NUCB2: variants seen among roughly 807,000 people sequenced by gnomAD.
NUCB2 encodes the protein nucleobindin 2.
Under a neutral mutation model 57.9 loss-of-function variants are expected in NUCB2, and 48 were observed. The observed-to-expected ratio is 0.83, with a 90% confidence interval of 0.66 to 1.05. The LOEUF (loss-of-function observed/expected upper bound fraction) is 1.05. Among genes scored for constraint, NUCB2 ranks in the 50% least tolerant of loss-of-function variants. The pLI is 0.00. For synonymous variants in NUCB2, 139 were observed against 152.1 expected, an observed-to-expected ratio of 0.91 and a Z score of 0.64; for missense variants, 442 against 476.2, an observed-to-expected ratio of 0.93 and a Z score of 0.67.
At chr11:17,338,733 G>A (rs906238990) in intron 2 of NUCB2, among the ~76,000 whole-genome samples, 2 of 151,700 alleles carry the variant, frequency 1.3e-5, no homozygotes, top group African/African-American at 2.4e-5. Context: ...GCGTGATCTC[G>A]GCTCACTGTA....
At chr11:17,297,143 A>T (rs981843616) in intron 4 of NUCB2, among the ~76,000 whole-genome samples, 1 of 152,214 alleles carries the variant, frequency 6.6e-6, no homozygotes, top group Non-Finnish European at 1.5e-5. Context: ...AGTAAAAAAA[A>T]ATCCAGTTAA....
At chr11:17,306,571 C>G (rs1270559872) in intron 5 of NUCB2, among the ~76,000 whole-genome samples, 1 of 152,128 alleles carries the variant, frequency 6.6e-6, no homozygotes, top group East Asian at 1.9e-4. Context: ...TCCCCTCAGT[C>G]TTAACAGTAT....
intron 11 of NUCB2, among the ~76,000 whole-genome samples, chr11:17,321,927 T>G (rs1403283187): frequency 6.6e-6 from 1 of 152,170 alleles, no homozygotes; most frequent in African/African-American, 2.4e-5. Flanking sequence ...CTTTTGACCA[T>G]TTTTGTCAGA....
intron 2 of NUCB2, among the ~76,000 whole-genome samples, chr11:17,348,751 G>A (rs1415345429): frequency 1.3e-5 from 2 of 151,586 alleles, no homozygotes; most frequent in African/African-American, 4.8e-5. Context: ...AACTTGAAAT[G>A]TCCCATTCCT....
chr11:17,299,022 T>C (rs1233148475), intron 4 of NUCB2, among the ~76,000 whole-genome samples: 1 of 152,224 alleles, frequency 6.6e-6, no homozygotes, highest in Non-Finnish European at 1.5e-5. Flanking sequence ...CAGCTAAGCA[T>C]TTTGAAAGGA....
chr11:17,343,840 T>C (rs1952493499), intron 2 of NUCB2, among the ~76,000 whole-genome samples: 1 of 152,218 alleles, frequency 6.6e-6, no homozygotes, highest in African/African-American at 2.4e-5. Flanking sequence ...ATTTGCATCT[T>C]AATTTTTTTC....
rs1555090777 is a variant in NUCB2 at position 17,310,899 on chromosome 11, T to C, written c.558T>C (p.His186=). The C allele has an allele frequency of 6.3e-7, 1 of 1,595,290 alleles. No homozygotes were observed. The highest frequency in any genetic ancestry group is 1.2e-5 in the South Asian group (1 of 86,628). ...AAAAATATGAAATGATGAAGGAACA[T>C]GAAAGGAGAGAATATTTAAAAACAT... The part of the protein sequence containing the change: ...EFKKYEMMKE[H]ERREYLKTLN... Residue 186 remains histidine (H), a synonymous_variant, in exon 7 of 14, where the codon CAT becomes CAC. Coordinates refer to ENST00000529010, the MANE Select transcript of NUCB2 (RefSeq NM_005013.4).
In NUCB2 at chr11:17,330,025, TA is replaced by T; in HGVS notation, c.1003-101del. On this transcript the variant is annotated intron_variant, in intron 11 of 13. Coordinates refer to ENST00000529010, the MANE Select transcript of NUCB2 (RefSeq NM_005013.4). The surrounding 1 kb of genome is among the most constrained non-coding windows in gnomAD (Gnocchi z 4.3). The stretch of plus-strand genomic sequence containing the variant: ...TCTTACCTCCAAAGGCGTAATCCTA[TA>T]GATACTCTTTTATACTTTGCTAACC... 1 of 599,134 alleles carries T rather than the reference TA, an allele frequency of 1.7e-6. No homozygotes were observed. The highest frequency in any genetic ancestry group is 2.8e-6 in the Non-Finnish European group (1 of 354,180). 37.1% of individuals were successfully genotyped at this position (599,134 alleles called of 1,614,324 possible).
At chr11:17,290,637 T>C (rs1026003894) in intron 2 of NUCB2, among the ~76,000 whole-genome samples, 1 of 152,072 alleles carries the variant, frequency 6.6e-6, no homozygotes, top group Admixed American at 6.6e-5. Flanking sequence ...AAATCTTAAG[T>C]TTATATATAT....
chr11:17,345,362 C>A (rs958673242), intron 2 of NUCB2, among the ~76,000 whole-genome samples: 6 of 152,136 alleles, frequency 3.9e-5, no homozygotes, highest in Admixed American at 3.3e-4. Context: ...TTTGTTATTA[C>A]TAATTATTGG....
intron 11 of NUCB2, among the ~76,000 whole-genome samples, chr11:17,318,057 A>G (rs1949511888): frequency 6.7e-6 from 1 of 149,092 alleles, no homozygotes; most frequent in South Asian, 2.1e-4. Context: ...GAGTACACTG[A>G]CGTGATCTTG....
chr11:17,340,119 G>T (rs375965825), intron 2 of NUCB2, among the ~76,000 whole-genome samples: 6 of 152,218 alleles, frequency 3.9e-5, no homozygotes, highest in African/African-American at 1.2e-4. Flanking sequence ...ATGAGCATTT[G>T]TTCATGTGTC....
At chr11:17,282,200 CTATATATCTATATCTA>C (rs1942724702) in intron 1 of NUCB2, among the ~76,000 whole-genome samples, 1 of 98,356 alleles carries the variant, frequency 1.0e-5, no homozygotes, top group East Asian at 6.4e-4. Flanking sequence ...ATATCTATAT[CTATATATCTATATCTA>C]TATCTATCTA....
At chr11:17,295,047 TCAAACAAACAAA>T (rs370595955) in intron 2 of NUCB2, among the ~76,000 whole-genome samples, 2 of 152,086 alleles carry the variant, frequency 1.3e-5, no homozygotes, top group African/African-American at 2.4e-5. Flanking sequence ...AAACTCTGTC[TCAAACAAACAAA>T]CAAACAAACA....
At chr11:17,338,353 T>A (rs141175996) in intron 2 of NUCB2, among the ~76,000 whole-genome samples, 95 of 152,330 alleles carry the variant, frequency 6.2e-4, no homozygotes, top group African/African-American at 1.9e-3. Flanking sequence ...GAATGCCATG[T>A]AGCAGTTTGA....
At chr11:17,288,959 A>T (rs55801526) in intron 2 of NUCB2, among the ~76,000 whole-genome samples, 686 of 66,860 alleles carry the variant, frequency 0.01, 87 homozygotes, top group East Asian at 0.022. Flanking sequence ...ACATATATAT[A>T]TATATTTTTT....
At chr11:17,319,503 TTCCAAGG>T (rs1244492169) in intron 11 of NUCB2, among the ~76,000 whole-genome samples, 1 of 152,228 alleles carries the variant, frequency 6.6e-6, no homozygotes, top group Admixed American at 6.5e-5. Context: ...GTGTCATTGC[TTCCAAGG>T]TCTTGTCAGA....
chr11:17,311,360 G>C, intron 8 of NUCB2, 77 bp downstream of exon 8: 2 of 1,055,974 alleles, frequency 1.9e-6, no homozygotes, highest in Non-Finnish European at 2.8e-6. Context: ...ATTGATTTCT[G>C]CCAAGGTCTG....
rs1308683516 is a variant in NUCB2, at chr11:17,282,185, AATCTAT to A, written c.-155-589_-155-584del. Reference sequence around the variant, plus strand: ...AATACAGGAAAATTTGGGCATAATAAATCTATATCTATATCTATATATCTATATCTA... The same window carrying A: ...AATACAGGAAAATTTGGGCATAATAAATCTATATCTATATATCTATATCTA... On this transcript the variant is annotated intron_variant, in intron 1 of 13. Coordinates refer to ENST00000529010, the MANE Select transcript of NUCB2 (RefSeq NM_005013.4). Among the ~76,000 whole-genome samples the A allele has an allele frequency of 4.7e-4, 58 of 122,302 alleles. 1 individual carries two copies. The South Asian group carries it at 0.013, about 28-fold the overall frequency. The allele number at this position is 122,302 out of a possible 152,430, so 80.2% of individuals were successfully genotyped here.
Sources: allele counts gnomAD v4.1 joint callset (sites outside exome capture counted in the v4.1 genomes callset), GRCh38; gene constraint gnomAD v4.1.1; non-coding constraint Gnocchi (gnomAD v3.1); transcripts MANE v1.5; gene names NCBI Gene and HGNC (gene_info 2026-07-23, HGNC 2026-07-21).